The following CNIH3 variants were observed in gnomAD, a reference collection of about 807,000 sequenced individuals.
The protein encoded by CNIH3 is protein cornichon homolog 3.
Under a neutral mutation model 24.1 loss-of-function variants are expected in CNIH3, and 14 were observed. The observed-to-expected ratio is 0.58, with a 90% CI of 0.38 to 0.91. The LOEUF (loss-of-function observed/expected upper bound fraction) is 0.91, where lower values mean the gene tolerates loss of function less well. Ranked by LOEUF, CNIH3 falls within the 40% of genes least tolerant of loss-of-function variation. CNIH3 has a pLI of 0.00. For missense variants in CNIH3, 178 were observed against 196.8 expected (o/e 0.90, Z 0.57); for synonymous variants, 68 against 73.8 (o/e 0.92, Z 0.40).
Position 224,543,477 on chromosome 1 carries a change from G to A in CNIH3, n.340-3352G>A, listed in dbSNP as rs1405833815. Among the ~76,000 whole-genome samples the A allele has an allele frequency of 2.0e-5, 3 of 152,208 alleles. No homozygotes were observed. In the South Asian group the frequency reaches 6.2e-4, roughly 32 times the overall value. ...AATTTGTAGCTAGTTGGTCAGAAGT[G>A]TGGGTGGTCTGAAGACCCTCAAACT... On this transcript the variant is annotated intron_variant and non_coding_transcript_variant, in intron 2 of 5. Coordinates refer to the CNIH3 transcript ENST00000471578.
chr1:224,511,828 T>A (rs1019637291), upstream of CNIH3, among the ~76,000 whole-genome samples: 1 of 152,124 alleles, frequency 6.6e-6, no homozygotes. Context: ...CACTCCAACC[T>A]GGGTGACAGG....
At chr1:224,569,809 G>A (rs55730825) in intron 4 of CNIH3, among the ~76,000 whole-genome samples, 4,485 of 151,748 alleles carry the variant, frequency 0.03, 230 homozygotes, top group African/African-American at 0.1. Flanking sequence ...TTTTTAGACA[G>A]AGTCTGCTCT....
intron 1 of CNIH3, among the ~76,000 whole-genome samples, chr1:224,676,566 T>TA (rs1339237080): frequency 6.6e-6 from 1 of 152,230 alleles, no homozygotes; most frequent in Non-Finnish European, 1.5e-5. Context: ...AAAGTTCACC[T>TA]AAAGTTCAGC....
intron 3 of CNIH3, among the ~76,000 whole-genome samples, chr1:224,691,724 A>T (rs1406014009): frequency 6.6e-6 from 1 of 152,200 alleles, no homozygotes; most frequent in Non-Finnish European, 1.5e-5. Flanking sequence ...GCTGTAGTGG[A>T]TGGATTATTT....
At chr1:224,513,347 T>TGGGGGGGGG (rs1678238734), upstream of CNIH3, among the ~76,000 whole-genome samples, 1 of 3,494 alleles carries the variant, frequency 2.9e-4, no homozygotes, top group Non-Finnish European at 6.2e-4. Flanking sequence ...GAGTTGGGGG[T>TGGGGGGGGG]GGGGGTGGGG....
At chr1:224,470,832 T>G (rs1026565901) in intron 1 of CNIH3, among the ~76,000 whole-genome samples, 2 of 152,142 alleles carry the variant, frequency 1.3e-5, no homozygotes, top group Admixed American at 1.3e-4. Context: ...GGGTACATAG[T>G]AGGTATGTAT....
intron 1 of CNIH3, among the ~76,000 whole-genome samples, chr1:224,459,420 G>C (rs934954116): frequency 6.6e-6 from 1 of 152,120 alleles, no homozygotes; most frequent in African/African-American, 2.4e-5. Context: ...GACCCTCAGC[G>C]ATATCCCAAG....
At chr1:224,612,394 A>G (rs1330236968), upstream of CNIH3, among the ~76,000 whole-genome samples, 1 of 151,968 alleles carries the variant, frequency 6.6e-6, no homozygotes, top group Non-Finnish European at 1.5e-5. This position sits in a 1 kb window ranked among gnomAD's most constrained non-coding sequence, Gnocchi z 4.7. Context: ...CTTGAGGAGG[A>G]GACTGAGCTA....
intron 1 of CNIH3, among the ~76,000 whole-genome samples, chr1:224,488,071 T>C (rs1297075164): frequency 6.6e-6 from 1 of 151,986 alleles, no homozygotes; most frequent in African/African-American, 2.4e-5. Context: ...AATATATAAG[T>C]TGATACTAGT....
At chr1:224,439,345 T>C (rs916468778) in intron 1 of CNIH3, among the ~76,000 whole-genome samples, 2 of 152,146 alleles carry the variant, frequency 1.3e-5, no homozygotes, top group East Asian at 3.9e-4. Context: ...TTCACCTTCC[T>C]CTAGGTGGAA....
chr1:224,553,409 GT>G (rs1334346339), intron 3 of CNIH3, among the ~76,000 whole-genome samples: 1 of 152,020 alleles, frequency 6.6e-6, no homozygotes, highest in Non-Finnish European at 1.5e-5. Flanking sequence ...TGCAGATGGG[GT>G]TTCTTCTTCC....
chr1:224,625,777 A>G (rs1316485935), intron 1 of CNIH3, among the ~76,000 whole-genome samples: 1 of 152,202 alleles, frequency 6.6e-6, no homozygotes, highest in Non-Finnish European at 1.5e-5. Flanking sequence ...GTGACAGGAA[A>G]GGGCTGTCAG....
At chr1:224,732,353 A>G (rs1689380930) in intron 4 of CNIH3, among the ~76,000 whole-genome samples, 4 of 152,152 alleles carry the variant, frequency 2.6e-5, no homozygotes, top group Admixed American at 2.6e-4. Flanking sequence ...AGATTTAGGG[A>G]GGAAGGAAAA....
chr1:224,553,739 T>C (rs1572464776), intron 3 of CNIH3, among the ~76,000 whole-genome samples: 2 of 140,538 alleles, frequency 1.4e-5, no homozygotes, highest in East Asian at 4.3e-4. Context: ...TGGGTTTTTC[T>C]TTCTTTCTTT....
intron 4 of CNIH3, chr1:224,575,014 C>A: frequency 1.1e-6 from 1 of 877,260 alleles, no homozygotes. Context: ...CCGTACCTCA[C>A]TCAGGAGAAG....
chr1:224,648,686 C>T (rs1477406685), intron 1 of CNIH3, among the ~76,000 whole-genome samples: 1 of 152,028 alleles, frequency 6.6e-6, no homozygotes, highest in East Asian at 1.9e-4. Flanking sequence ...TTACTTCCCC[C>T]CATGATGTTT....
chr1:224,586,552 T>C (rs1166817071), intron 5 of CNIH3, among the ~76,000 whole-genome samples: 2 of 152,178 alleles, frequency 1.3e-5, no homozygotes, highest in Non-Finnish European at 2.9e-5. Context: ...GCCAGTACTT[T>C]GCTTCCCTGG....
chr1:224,436,145 G>A (rs927140254), intron 1 of CNIH3, among the ~76,000 whole-genome samples: 1 of 152,142 alleles, frequency 6.6e-6, no homozygotes, highest in Non-Finnish European at 1.5e-5. Context: ...AGTTCTTACT[G>A]CTTAAATTTG....
At chr1:224,621,594 C>T (rs996225277) in intron 1 of CNIH3, among the ~76,000 whole-genome samples, 4 of 152,164 alleles carry the variant, frequency 2.6e-5, no homozygotes, top group African/African-American at 9.7e-5. Context: ...GCTCCATCCC[C>T]CTTTTATCTC....
Sources: allele counts gnomAD v4.1 joint callset (sites outside exome capture counted in the v4.1 genomes callset), GRCh38; gene constraint gnomAD v4.1.1; non-coding constraint Gnocchi (gnomAD v3.1); transcripts MANE v1.5; gene names NCBI Gene and HGNC (gene_info 2026-07-23, HGNC 2026-07-21).